Variants in MMP16 observed in about 807,000 individuals in gnomAD.
MMP16 encodes matrix metalloproteinase-16.
MMP16 carries 12 observed loss-of-function variants against 67.8 expected under a neutral mutation model. The observed-to-expected ratio is 0.18, with a 90% confidence interval of 0.11 to 0.29. The LOEUF (loss-of-function observed/expected upper bound fraction) is 0.29, where lower values mean the gene tolerates loss of function less well. Among genes scored for constraint, MMP16 ranks in the 10% least tolerant of loss-of-function variants. The probability of loss-of-function intolerance (pLI) is 1.00; values close to 1 mark genes in which losing one functional copy is unlikely to be tolerated. For missense variants in MMP16, 475 were observed against 765.7 expected, an observed-to-expected ratio of 0.62 and a Z score of 4.48; for synonymous variants, 249 against 255.9, an observed-to-expected ratio of 0.97 and a Z score of 0.26.
rs577911357 is a variant in MMP16 at position 88,285,095 on chromosome 8, C to G, written c.132+41980G>C. On this transcript the variant is annotated intron_variant, in intron 1 of 9. Transcript: ENST00000286614. Reference sequence around the variant, plus strand: ...CCATCTTCCTGACATACTATAAATCCCAGCAGGGACAAGAACAGTTTTTTG... The same window carrying G: ...CCATCTTCCTGACATACTATAAATCGCAGCAGGGACAAGAACAGTTTTTTG... Among the ~76,000 whole-genome samples the G allele has an allele frequency of 1.6e-4, 25 of 152,108 alleles. 1 individual carries two copies. The highest frequency in any genetic ancestry group is 2.9e-5 in the Non-Finnish European group (2 of 67,996).
chr8:88,161,181 G>A (rs201230654), intron 4 of MMP16, among the ~76,000 whole-genome samples: 1 of 151,870 alleles, frequency 6.6e-6, no homozygotes, highest in Non-Finnish European at 1.5e-5. Context: ...TGGTCCTGGA[G>A]TTTTTTTGGT....
chr8:88,252,578 G>A (rs984490221), intron 1 of MMP16, among the ~76,000 whole-genome samples: 3 of 146,046 alleles, frequency 2.1e-5, no homozygotes, highest in East Asian at 2.0e-4. Context: ...TCAAGATCCA[G>A]ATATAAATGA....
intron 4 of MMP16, among the ~76,000 whole-genome samples, chr8:88,128,155 A>G (rs962028201): frequency 5.3e-5 from 8 of 151,838 alleles, no homozygotes; most frequent in African/African-American, 1.9e-4. Context: ...AATCCTTCAT[A>G]AAGTTGGAAG....
At chr8:88,132,053 T>C (rs1039462162) in intron 4 of MMP16, among the ~76,000 whole-genome samples, 1 of 151,888 alleles carries the variant, frequency 6.6e-6, no homozygotes, top group Non-Finnish European at 1.5e-5. Flanking sequence ...CCCTCTGGCC[T>C]TGTCCTGCTC....
rs568619527 is a variant in MMP16 at position 88,034,645 on chromosome 8, A to G, written c.*6816T>C. On this transcript the variant is annotated 3_prime_UTR_variant, in exon 10 of 10. Transcript: ENST00000286614. ...TAACATTGATTTAAGGATAACGCTC[A>G]TATTACTACCAAAATCATTCATTCA... The G allele has an allele frequency of 6.6e-6, 1 of 152,248 alleles. No individual in the cohort carries two copies. Among genetic ancestry groups the G allele is most frequent in the South Asian group, 2.1e-4 (1 of 4,830 alleles). 9.4% of individuals were successfully genotyped at this position (152,248 alleles called of 1,614,324 possible). A position where few individuals can be genotyped will look rare whatever the true frequency, so the allele number is the denominator to read the frequency against.
chr8:88,265,031 A>T (rs1810452615), intron 1 of MMP16, among the ~76,000 whole-genome samples: 1 of 152,138 alleles, frequency 6.6e-6, no homozygotes. Flanking sequence ...TGAACTTGAG[A>T]CCTGAGAAAA....
Position 88,033,875 on chromosome 8 carries a change from A to C in MMP16, c.*7586T>G, listed in dbSNP as rs1478950702. On this transcript the variant is annotated 3_prime_UTR_variant, in exon 10 of 10. Transcript: ENST00000286614. ...TTACACTTACAGAGAAATAGACCAA[A>C]GGATGAAGGTTTTAGGCATTTATGT... 6.6e-6 allele frequency: 1 copy of C among 152,072 alleles called. No individual in the cohort carries two copies. Among genetic ancestry groups the C allele is most frequent in the Non-Finnish European group, 1.5e-5 (1 of 67,980 alleles). The allele number at this position is 152,072 out of a possible 1,614,324, so 9.4% of individuals were successfully genotyped here.
intron 1 of MMP16, among the ~76,000 whole-genome samples, chr8:88,271,302 T>C (rs1256303433): frequency 6.6e-6 from 1 of 152,250 alleles, no homozygotes; most frequent in Non-Finnish European, 1.5e-5. Context: ...TGATGTGCTT[T>C]GCACCATTCT....
At chr8:88,323,034 G>C (rs1811484610) in intron 1 of MMP16, among the ~76,000 whole-genome samples, 1 of 152,140 alleles carries the variant, frequency 6.6e-6, no homozygotes, top group Admixed American at 6.5e-5. Context: ...AAATCTTGAT[G>C]AATCAGTCAT....
intron 1 of MMP16, among the ~76,000 whole-genome samples, chr8:88,223,496 T>C (rs1007741171): frequency 4.0e-5 from 6 of 151,866 alleles, no homozygotes; most frequent in Non-Finnish European, 8.8e-5. Context: ...ATATATACCA[T>C]GGAATACTAT....
chr8:88,242,127 A>G (rs1297005630), intron 1 of MMP16, among the ~76,000 whole-genome samples: 2 of 152,214 alleles, frequency 1.3e-5, no homozygotes, highest in African/African-American at 4.8e-5. Flanking sequence ...TAAAAAAGAA[A>G]GATATACAAC....
Position 88,116,698 on chromosome 8 carries a change from G to A in MMP16, c.892C>T (p.Pro298Ser). 1 of 1,613,644 alleles carries A rather than the reference G, an allele frequency of 6.2e-7. No homozygotes were observed. The highest frequency in any genetic ancestry group is 8.5e-7 in the Non-Finnish European group (1 of 1,179,758). The part of the protein sequence containing the change: ...KIYGPPDKIP[P>S]PTRPLPTVPP... ...ACTGTCGGTAGAGGTCTTGTAGGTG[G>A]AGGAATCTTGTCAGGTGGACCTTTT... Residue 298 changes from proline (P) to serine (S), a missense_variant, in exon 6 of 10, where the codon CCA becomes TCA. By Grantham distance (74) the Pro-to-Ser change is moderately conservative. This residue lies in a region of MMP16 where 195 missense variants were observed against 300.9 expected (regional missense o/e 0.65). Transcript: ENST00000286614.
At chr8:88,254,784 T>A (rs942844732) in intron 1 of MMP16, among the ~76,000 whole-genome samples, 2 of 152,050 alleles carry the variant, frequency 1.3e-5, no homozygotes, top group African/African-American at 4.8e-5. Context: ...CTGGATGGGA[T>A]CCTGGAACAG....
At chr8:88,195,960 A>G (rs544427864) in intron 2 of MMP16, among the ~76,000 whole-genome samples, 2 of 152,356 alleles carry the variant, frequency 1.3e-5, no homozygotes, top group Admixed American at 6.5e-5. Context: ...CAAAATTTTG[A>G]AATTATGTAT....
intron 1 of MMP16, among the ~76,000 whole-genome samples, chr8:88,236,361 C>T (rs7826477): frequency 0.2 from 30,584 of 152,188 alleles, 4,107 homozygotes; most frequent in East Asian, 0.52. Context: ...GCCTGACACA[C>T]GGTAGGCACT....
At chr8:88,265,614 C>T (rs1810465022) in intron 1 of MMP16, among the ~76,000 whole-genome samples, 1 of 152,130 alleles carries the variant, frequency 6.6e-6, no homozygotes, top group South Asian at 2.1e-4. Flanking sequence ...AGGAAATAAT[C>T]TGTGATTATG....
rs373618569 is a variant in MMP16, at chr8:88,283,375, AGAT to A, written c.132+43697_132+43699del. Among the ~76,000 whole-genome samples the A allele has an allele frequency of 2.4e-3, 358 of 152,336 alleles. 2 individuals carry two copies. In the Middle Eastern group the frequency reaches 0.027, roughly 12 times the overall value. Reference sequence around the variant, plus strand: ...TCTGGGTATAGGTGCTGAAGCTGACAGATGTGTAACACTAGACAAGTTATTTGA... The same window carrying A: ...TCTGGGTATAGGTGCTGAAGCTGACAGTGTAACACTAGACAAGTTATTTGA... On this transcript the variant is annotated intron_variant, in intron 1 of 9. Coordinates refer to ENST00000286614, the MANE Select transcript of MMP16 (RefSeq NM_005941.5).
intron 7 of MMP16, among the ~76,000 whole-genome samples, chr8:88,064,472 C>G (rs28991895): frequency 1.5e-4 from 23 of 152,020 alleles, no homozygotes; most frequent in Non-Finnish European, 3.1e-4. Flanking sequence ...TACCAATAAC[C>G]AGCTGTAAGA....
At chr8:88,317,332 T>C (rs756493145) in intron 1 of MMP16, among the ~76,000 whole-genome samples, 5 of 152,118 alleles carry the variant, frequency 3.3e-5, no homozygotes, top group Non-Finnish European at 7.4e-5. Context: ...GCCATTACCA[T>C]GATCAGTCAG....
Sources: allele counts gnomAD v4.1 joint callset (sites outside exome capture counted in the v4.1 genomes callset), GRCh38; gene constraint gnomAD v4.1.1; regional missense constraint gnomAD v4.1.1; transcripts MANE v1.5; gene names NCBI Gene and HGNC (gene_info 2026-07-23, HGNC 2026-07-21).